Variants in LIMCH1 observed in about 807,000 individuals in gnomAD.
The protein encoded by LIMCH1 is LIM and calponin homology domains-containing protein 1.
A neutral mutation model predicts 176.5 loss-of-function variants in LIMCH1; 113 were observed. The observed-to-expected ratio is 0.64, with a 90% CI of 0.55 to 0.75. The LOEUF is 0.75. Ranked by LOEUF, LIMCH1 falls within the 30% of genes least tolerant of loss-of-function variation. LIMCH1 has a pLI of 0.00. For synonymous variants in LIMCH1, 619 were observed against 645.9 expected (o/e 0.96, Z 0.63); for missense variants, 1,674 against 1,814.9 (o/e 0.92, Z 1.41).
intron 1 of LIMCH1, among the ~76,000 whole-genome samples, chr4:41,373,136 A>C (rs370689271): frequency 1.2e-4 from 18 of 152,202 alleles, no homozygotes; most frequent in East Asian, 1.2e-3. Flanking sequence ...CTGGAACACA[A>C]AAAGGGCCGG....
At chr4:41,615,228 A>T (rs1472973902) in intron 5 of LIMCH1, among the ~76,000 whole-genome samples, 1 of 152,206 alleles carries the variant, frequency 6.6e-6, no homozygotes, top group Non-Finnish European at 1.5e-5. Flanking sequence ...AGTTGTTTTA[A>T]GTTATTGCAT....
At chr4:41,526,564 C>T (rs1039691442) in intron 3 of LIMCH1, among the ~76,000 whole-genome samples, 5 of 152,110 alleles carry the variant, frequency 3.3e-5, no homozygotes, top group African/African-American at 7.2e-5. Context: ...ACGGTTCTCG[C>T]GTCATGCCTG....
At chr4:41,456,330 A>G (rs2064592631) in intron 1 of LIMCH1, among the ~76,000 whole-genome samples, 1 of 151,796 alleles carries the variant, frequency 6.6e-6, no homozygotes, top group Non-Finnish European at 1.5e-5. Context: ...TTTTCTTATT[A>G]TGTTTGATTG....
At chr4:41,685,979 T>TG in intron 28 of LIMCH1, 149 bp downstream of exon 28, 1 of 827,882 alleles carries the variant, frequency 1.2e-6, no homozygotes, top group Non-Finnish European at 1.8e-6. Context: ...AGGTAGTCAA[T>TG]ATAAATGGAA....
chr4:41,598,904 C>CT lies in LIMCH1; in HGVS notation c.-240-9dup, dbSNP rs2089426514. ...TCTAAGATAATATAGACTTATATTTCTTTTTTTCCTTCTAGGACAATATTA... is the reference window on the plus strand; with the variant it reads ...TCTAAGATAATATAGACTTATATTTCTTTTTTTTCCTTCTAGGACAATATTA... On this transcript the variant is annotated splice_polypyrimidine_tract_variant and intron_variant, in intron 1 of 31. Coordinates refer to ENST00000503057, the MANE Select transcript of LIMCH1 (RefSeq NM_001330672.2). 2.7e-6 allele frequency: 4 copies of CT among 1,502,694 alleles called. No individual in the cohort carries two copies. Among genetic ancestry groups the CT allele is most frequent in the African/African-American group, 2.8e-5 (2 of 72,350 alleles). The allele number at this position is 1,502,694 out of a possible 1,614,324, so 93.1% of individuals were successfully genotyped here.
chr4:41,526,792 T>C (rs1440632217), intron 3 of LIMCH1, among the ~76,000 whole-genome samples: 1 of 152,244 alleles, frequency 6.6e-6, no homozygotes, highest in African/African-American at 2.4e-5. Flanking sequence ...TATTTCCCAA[T>C]GTAAGTGAAG....
At chr4:41,530,713 A>G (rs1332679973) in intron 3 of LIMCH1, among the ~76,000 whole-genome samples, 1 of 144,870 alleles carries the variant, frequency 6.9e-6, no homozygotes, top group East Asian at 2.1e-4. Context: ...AGGCTAAGGC[A>G]GGAGAATTGC....
At chr4:41,654,134 A>T (rs2152955932) in intron 18 of LIMCH1, among the ~76,000 whole-genome samples, 1 of 152,120 alleles carries the variant, frequency 6.6e-6, no homozygotes. Flanking sequence ...ATACAGAGGG[A>T]CTCATGACTT....
chr4:41,429,037 A>G (rs1377206345), intron 1 of LIMCH1, among the ~76,000 whole-genome samples: 2 of 152,296 alleles, frequency 1.3e-5, no homozygotes, highest in Admixed American at 6.5e-5. Context: ...CTTGGGAAGG[A>G]AGAAAGTGGC....
intron 26 of LIMCH1, among the ~76,000 whole-genome samples, 169 bp from the exon 27 acceptor site, chr4:41,684,228 A>T (rs1297171012): frequency 6.6e-6 from 1 of 152,220 alleles, no homozygotes; most frequent in Non-Finnish European, 1.5e-5. Context: ...GATAATAGAA[A>T]TTTGTAGTAC....
Position 41,430,148 on chromosome 4 carries a change from G to A in LIMCH1, c.97-64388G>A, listed in dbSNP as rs1332748455. On this transcript the variant is annotated intron_variant, in intron 1 of 26. Transcript: ENST00000313860. ...CTAGGGGCACAAAGATGAATGGAGT[G>A]TATTCTAATTCTAGAGAAATTATAT... Among the ~76,000 whole-genome samples the A allele has an allele frequency of 2.0e-5, 3 of 152,264 alleles. No homozygotes were observed. In the East Asian group the frequency reaches 5.8e-4, roughly 29 times the overall value.
chr4:41,403,914 T>G (rs1440176147), intron 1 of LIMCH1, among the ~76,000 whole-genome samples: 2 of 152,220 alleles, frequency 1.3e-5, no homozygotes, highest in African/African-American at 4.8e-5. Context: ...AAAAGAGTAT[T>G]ATAAAAAACA....
intron 2 of LIMCH1, among the ~76,000 whole-genome samples, chr4:41,601,159 G>T (rs2089852733): frequency 6.6e-6 from 1 of 152,124 alleles, no homozygotes; most frequent in Non-Finnish European, 1.5e-5. Context: ...CTGTGTGTTA[G>T]ATACTTTTCA....
intron 1 of LIMCH1, among the ~76,000 whole-genome samples, chr4:41,583,242 C>T (rs781717848): frequency 3.3e-5 from 5 of 152,214 alleles, no homozygotes; most frequent in Non-Finnish European, 7.3e-5. Flanking sequence ...CCTTAGGAAA[C>T]CCTGTCTATA....
At chr4:41,587,703 A>C (rs572694494) in intron 1 of LIMCH1, among the ~76,000 whole-genome samples, 1 of 141,604 alleles carries the variant, frequency 7.1e-6, no homozygotes, top group East Asian at 2.0e-4. Context: ...CTTGCAAATA[A>C]GAGTCCCTCA....
chr4:41,540,968 C>T (rs935345740), intron 1 of LIMCH1, among the ~76,000 whole-genome samples: 2 of 152,086 alleles, frequency 1.3e-5, no homozygotes, highest in African/African-American at 4.8e-5. Context: ...TTGAGTAGAT[C>T]TAGAAGGATG....
At chr4:41,567,131 A>T (rs1246829944) in intron 1 of LIMCH1, among the ~76,000 whole-genome samples, 1 of 152,198 alleles carries the variant, frequency 6.6e-6, no homozygotes, top group East Asian at 1.9e-4. Flanking sequence ...GGTCTGCATA[A>T]GAAGGCAGAA....
At chr4:41,684,249 T>C (rs1718726429) in intron 26 of LIMCH1, 148 bp from the exon 27 acceptor site, 1 of 612,964 alleles carries the variant, frequency 1.6e-6, no homozygotes, top group Admixed American at 3.4e-5. Flanking sequence ...TTTATCATTT[T>C]AAATCTATTT....
intron 2 of LIMCH1, among the ~76,000 whole-genome samples, chr4:41,522,994 A>T (rs1475164199): frequency 6.6e-6 from 1 of 152,206 alleles, no homozygotes; most frequent in Non-Finnish European, 1.5e-5. Flanking sequence ...TGGTAGCAGC[A>T]TGTTGGAATT....
Sources: allele counts gnomAD v4.1 joint callset (sites outside exome capture counted in the v4.1 genomes callset), GRCh38; gene constraint gnomAD v4.1.1; transcripts MANE v1.5; gene names NCBI Gene and HGNC (gene_info 2026-07-23, HGNC 2026-07-21).